SNX29: variants seen among roughly 807,000 people sequenced by gnomAD.
The protein encoded by SNX29 is sorting nexin 29.
In SNX29, 78 loss-of-function variants were observed where a neutral mutation model predicts 102.1. The observed-to-expected ratio is 0.76, with a 90% CI of 0.64 to 0.92. The LOEUF is 0.92. Ranked by LOEUF, SNX29 falls within the 40% of genes least tolerant of loss-of-function variation. The probability of loss-of-function intolerance (pLI) is 0.00; values close to 1 mark genes in which losing one functional copy is unlikely to be tolerated. For missense variants in SNX29, 1,280 were observed against 1,061.7 expected (o/e 1.21, Z -2.86); for synonymous variants, 580 against 414.5 (o/e 1.40, Z -4.85).
chr16:12,090,737 A>G (rs530690042), intron 11 of SNX29, among the ~76,000 whole-genome samples: 8 of 152,278 alleles, frequency 5.3e-5, no homozygotes, highest in South Asian at 2.1e-4. Context: ...AAGGCCAGGT[A>G]TGGAGGCTCA....
At chr16:12,129,134 A>T (rs1161289436) in intron 12 of SNX29, among the ~76,000 whole-genome samples, 1 of 152,242 alleles carries the variant, frequency 6.6e-6, no homozygotes, top group African/African-American at 2.4e-5. Flanking sequence ...AGTGTGTTTT[A>T]TAGGCACAGG....
chr16:12,484,363 C>A (rs1438938299), intron 19 of SNX29, among the ~76,000 whole-genome samples: 2 of 152,206 alleles, frequency 1.3e-5, no homozygotes, highest in Non-Finnish European at 2.9e-5. Context: ...AGTGTGGACA[C>A]CTGCAGTGGC....
At chr16:12,356,314 C>A (rs766230963) in intron 16 of SNX29, 35 bp downstream of exon 16, 3 of 1,535,260 alleles carry the variant, frequency 2.0e-6, no homozygotes, top group Non-Finnish European at 8.8e-7. Flanking sequence ...GTCTGTCAAG[C>A]CTCTGCTGCC....
chr16:12,171,561 C>G (rs2076150287), intron 13 of SNX29, among the ~76,000 whole-genome samples: 1 of 152,220 alleles, frequency 6.6e-6, no homozygotes, highest in African/African-American at 2.4e-5. Context: ...GGGTGGGTTT[C>G]TGCCTTTACA....
intron 18 of SNX29, among the ~76,000 whole-genome samples, chr16:12,455,318 C>G (rs1393596545): frequency 1.3e-5 from 2 of 152,170 alleles, no homozygotes; most frequent in African/African-American, 4.8e-5. Flanking sequence ...CTTCCAGACC[C>G]TGGGTCTACC....
intron 16 of SNX29, among the ~76,000 whole-genome samples, chr16:12,356,907 C>G (rs2082151485): frequency 6.6e-6 from 1 of 152,234 alleles, no homozygotes; most frequent in South Asian, 2.1e-4. Flanking sequence ...CAGATGTCCT[C>G]TGCATTTCAG....
chr16:12,532,440 A>G (rs974188069), intron 20 of SNX29, among the ~76,000 whole-genome samples: 16 of 149,644 alleles, frequency 1.1e-4, no homozygotes, highest in African/African-American at 4.1e-4. Context: ...TGTAAATCCT[A>G]CTAAGCTCAA....
chr16:12,445,155 G>GTTT (rs1345077307), intron 18 of SNX29, among the ~76,000 whole-genome samples: 2,491 of 150,626 alleles, frequency 0.017, 83 homozygotes, highest in African/African-American at 0.058. Flanking sequence ...CTGGCTGACA[G>GTTT]TTTTTTTTTG....
chr16:12,426,279 A>C (rs1465852870), intron 18 of SNX29, among the ~76,000 whole-genome samples: 1 of 152,142 alleles, frequency 6.6e-6, no homozygotes, highest in Admixed American at 6.5e-5. Flanking sequence ...CGCTGTCTCT[A>C]TGCCAGGATC....
At chr16:12,330,385 TGAACCCAG>T (rs1364027515) in intron 15 of SNX29, among the ~76,000 whole-genome samples, 1 of 152,140 alleles carries the variant, frequency 6.6e-6, no homozygotes, top group Non-Finnish European at 1.5e-5. Context: ...GAGAATCGCA[TGAACCCAG>T]GAGGCAGAGG....
chr16:12,470,650 G>A (rs2087293485), intron 18 of SNX29, among the ~76,000 whole-genome samples: 1 of 152,120 alleles, frequency 6.6e-6, no homozygotes, highest in South Asian at 2.1e-4. Flanking sequence ...GAAAGCGGAG[G>A]GGATGCTTAG....
chr16:12,188,994 A>G (rs1309314011), intron 13 of SNX29, among the ~76,000 whole-genome samples: 2 of 152,322 alleles, frequency 1.3e-5, no homozygotes, highest in African/African-American at 2.4e-5. Context: ...AGGAGGGCAC[A>G]TGGCAGGGAG....
Position 12,511,300 on chromosome 16 carries a change from G to A in SNX29, c.2179-13402G>A, listed in dbSNP as rs74009113. The stretch of plus-strand genomic sequence containing the variant: ...GCTCAGGTGTGGAACTCAAGCAGAC[G>A]TGGCTCTAAGCTCAGCTGGGTCACC... On this transcript the variant is annotated intron_variant, in intron 19 of 20. Transcript: ENST00000566228. Among the ~76,000 whole-genome samples the A allele has an allele frequency of 1.0e-2, 1,516 of 152,284 alleles. 26 individuals are homozygous for A. The highest frequency in any genetic ancestry group is 0.035 in the African/African-American group (1,443 of 41,576).
Position 12,530,386 on chromosome 16 carries a change from C to T in SNX29, c.2318+5545C>T, listed in dbSNP as rs114714209. The stretch of plus-strand genomic sequence containing the variant: ...TGATGAAGTTCTAGTGTGGAAAAAC[C>T]CTAAAACACTACAGAAAGAAGATGA... On this transcript the variant is annotated intron_variant, in intron 20 of 20. Transcript: ENST00000566228. Among the ~76,000 whole-genome samples, 358 of 152,168 alleles carry T rather than the reference C, an allele frequency of 2.4e-3. 1 individual carries two copies. Among genetic ancestry groups the T allele is most frequent in the African/African-American group, 8.3e-3 (345 of 41,502 alleles).
intron 18 of SNX29, among the ~76,000 whole-genome samples, chr16:12,426,265 C>G (rs1300420329): frequency 1.3e-5 from 2 of 152,178 alleles, no homozygotes; most frequent in African/African-American, 4.8e-5. Flanking sequence ...GTGGCCTGTG[C>G]TCACGCTGTC....
intron 14 of SNX29, among the ~76,000 whole-genome samples, chr16:12,242,903 C>T (rs1042134374): frequency 6.6e-6 from 1 of 152,170 alleles, no homozygotes; most frequent in Non-Finnish European, 1.5e-5. Context: ...CCACCTCAGC[C>T]TCCCAAAGTG....
chr16:12,086,250 C>T (rs557856726), intron 11 of SNX29, among the ~76,000 whole-genome samples: 30 of 152,014 alleles, frequency 2.0e-4, no homozygotes, highest in African/African-American at 6.0e-4. Flanking sequence ...GTGATCTGCC[C>T]GCCTCGGCGT....
chr16:12,237,208 C>A (rs2077962387), intron 14 of SNX29, among the ~76,000 whole-genome samples: 1 of 152,132 alleles, frequency 6.6e-6, no homozygotes, highest in Non-Finnish European at 1.5e-5. Flanking sequence ...GACTCCTCAC[C>A]CCCACCAGCA....
At chr16:12,452,580 G>T (rs950851581) in intron 18 of SNX29, among the ~76,000 whole-genome samples, 1 of 151,988 alleles carries the variant, frequency 6.6e-6, no homozygotes, top group Non-Finnish European at 1.5e-5. Flanking sequence ...TGGATGGGGA[G>T]GGCATCTGAG....
Sources: allele counts gnomAD v4.1 joint callset (sites outside exome capture counted in the v4.1 genomes callset), GRCh38; gene constraint gnomAD v4.1.1; transcripts MANE v1.5; gene names NCBI Gene and HGNC (gene_info 2026-07-23, HGNC 2026-07-21).